Variants in KANK1 observed in about 807,000 individuals in gnomAD.
KANK1 encodes the protein KN motif and ankyrin repeat domains 1.
A neutral mutation model predicts 106.2 loss-of-function variants in KANK1; 109 were observed. The ratio of observed to expected loss-of-function variants is 1.03; its 90% CI spans 0.88 to 1.20. The LOEUF is 1.20. KANK1 is among the 50% of genes most tolerant of loss of function. The pLI, the probability that KANK1 is intolerant of heterozygous loss-of-function variation, is 0.00. For missense variants in KANK1, 2,399 were observed against 1,710.7 expected, an observed-to-expected ratio of 1.40 and a Z score of -7.10; for synonymous variants, 873 against 652.2, an observed-to-expected ratio of 1.34 and a Z score of -5.16.
At chr9:623,462 C>T (rs1189119593) in intron 1 of KANK1, among the ~76,000 whole-genome samples, 2 of 151,840 alleles carry the variant, frequency 1.3e-5, no homozygotes, top group African/African-American at 4.8e-5. Context: ...TGGTGGCATG[C>T]ACCTATAGTC....
chr9:638,649 T>A (rs1259626283), intron 1 of KANK1, among the ~76,000 whole-genome samples: 1 of 152,224 alleles, frequency 6.6e-6, no homozygotes, highest in Non-Finnish European at 1.5e-5. Context: ...GGGCAAACTT[T>A]GAGTTTCCAT....
chr9:507,951 T>C (rs987856654), intron 1 of KANK1, among the ~76,000 whole-genome samples: 6 of 151,664 alleles, frequency 4.0e-5, no homozygotes, highest in Admixed American at 3.3e-4. Context: ...CCCAAAGTGC[T>C]GAGGGATTAC....
intron 2 of KANK1, chr9:680,860 T>G (rs1817415136): frequency 6.6e-6 from 1 of 152,314 alleles, no homozygotes; most frequent in African/African-American, 2.4e-5. Context: ...GTGTTACCTC[T>G]TTTTCACCAG....
At chr9:597,952 A>G (rs1329754767) in intron 1 of KANK1, among the ~76,000 whole-genome samples, 1 of 151,770 alleles carries the variant, frequency 6.6e-6, no homozygotes, top group Admixed American at 6.6e-5. Context: ...GGTGTGAGCC[A>G]CCACCCCTGG....
intron 2 of KANK1, among the ~76,000 whole-genome samples, chr9:683,704 T>G (rs913722687): frequency 2.0e-5 from 3 of 152,224 alleles, no homozygotes; most frequent in Admixed American, 6.5e-5. Flanking sequence ...AGGGATTATG[T>G]TGGTAAGTTA....
intron 1 of KANK1, among the ~76,000 whole-genome samples, chr9:554,721 G>T (rs2061478202): frequency 6.6e-6 from 1 of 152,172 alleles, no homozygotes; most frequent in Non-Finnish European, 1.5e-5. Context: ...TCTAGGATTT[G>T]ACATTTTCAG....
At chr9:631,629 G>A (rs1003599233) in intron 1 of KANK1, among the ~76,000 whole-genome samples, 1 of 152,166 alleles carries the variant, frequency 6.6e-6, no homozygotes, top group Non-Finnish European at 1.5e-5. Flanking sequence ...ACCCAATATG[G>A]TGGCTTCTGA....
chr9:721,756 G>A (rs1829402055), intron 3 of KANK1, among the ~76,000 whole-genome samples: 1 of 152,182 alleles, frequency 6.6e-6, no homozygotes, highest in Admixed American at 6.6e-5. Context: ...TTGTGGTAGG[G>A]CTTACTATTA....
chr9:604,265 A>G (rs1588168396), intron 1 of KANK1, among the ~76,000 whole-genome samples: 1 of 151,686 alleles, frequency 6.6e-6, no homozygotes, highest in Admixed American at 6.6e-5. Context: ...TGTGTCAGAC[A>G]TTGTACTGGT....
chr9:472,340 G>C (rs899127380), intron 2 of KANK1, among the ~76,000 whole-genome samples: 1 of 152,194 alleles, frequency 6.6e-6, no homozygotes, highest in African/African-American at 2.4e-5. Flanking sequence ...ATGGGGTTAT[G>C]CCTCATTTCT....
At chr9:632,895 T>C (rs570872771) in intron 1 of KANK1, among the ~76,000 whole-genome samples, 122 of 152,220 alleles carry the variant, frequency 8.0e-4, no homozygotes, top group African/African-American at 2.9e-3. Context: ...GGTTTCGCCA[T>C]GTTTGCCAGG....
intron 2 of KANK1, among the ~76,000 whole-genome samples, chr9:683,778 A>T (rs1452708586): frequency 2.0e-5 from 3 of 152,206 alleles, no homozygotes; most frequent in African/African-American, 7.2e-5. Context: ...TATTTATTGC[A>T]TCATACAGCT....
intron 1 of KANK1, chr9:539,517 G>A (rs1470913942): frequency 6.6e-6 from 1 of 151,876 alleles, no homozygotes; most frequent in Non-Finnish European, 1.5e-5. Flanking sequence ...TTGAGACAGG[G>A]TCTCACTCTG....
intron 1 of KANK1, among the ~76,000 whole-genome samples, chr9:663,093 A>C (rs7870677): frequency 0.84 from 127,561 of 152,140 alleles, 53,621 homozygotes; most frequent in East Asian, 0.97. Context: ...TCAATTTAAG[A>C]GTTGATCAGA....
At chr9:725,161 G>A (rs574579310) in intron 3 of KANK1, among the ~76,000 whole-genome samples, 8 of 152,224 alleles carry the variant, frequency 5.3e-5, no homozygotes, top group South Asian at 2.1e-4. Context: ...ACTGTTCACC[G>A]AATTAGGAAA....
At chr9:574,756 G>C (rs1820105150) in intron 1 of KANK1, among the ~76,000 whole-genome samples, 2 of 151,028 alleles carry the variant, frequency 1.3e-5, no homozygotes, top group African/African-American at 4.9e-5. Context: ...TTGGGAGGTT[G>C]AGGCAGGAGA....
intron 1 of KANK1, among the ~76,000 whole-genome samples, chr9:518,835 T>A (rs367800920): frequency 1.3e-5 from 2 of 151,520 alleles, no homozygotes; most frequent in Admixed American, 6.6e-5. Context: ...CCAAGTCTTG[T>A]AGGAAACCAC....
At chr9:687,680 C>G (rs1182908260) in intron 2 of KANK1, among the ~76,000 whole-genome samples, 6 of 152,104 alleles carry the variant, frequency 3.9e-5, no homozygotes, top group Admixed American at 3.9e-4. Flanking sequence ...ATAAGCCCTT[C>G]TTATCCTTCA....
At position 615,257 on chromosome 9, in the gene KANK1, A is replaced by C. The variant is rs558043803; in HGVS notation, c.-83-61633A>C. 5.9e-5 allele frequency among the ~76,000 whole-genome samples: 9 copies of C among 152,340 alleles called. No individual in the cohort carries two copies. The South Asian group carries it at 1.0e-3, about 18-fold the overall frequency. Reference sequence around the variant, plus strand: ...GGCATAGTATCATCTTTTTGATACCAACATACTATAAATATATTTTATTGC... The same window carrying C: ...GGCATAGTATCATCTTTTTGATACCCACATACTATAAATATATTTTATTGC... On this transcript the variant is annotated intron_variant, in intron 1 of 11. Coordinates refer to ENST00000382297, the MANE Select transcript of KANK1 (RefSeq NM_015158.5).
Sources: allele counts gnomAD v4.1 joint callset (sites outside exome capture counted in the v4.1 genomes callset), GRCh38; gene constraint gnomAD v4.1.1; transcripts MANE v1.5; gene names NCBI Gene and HGNC (gene_info 2026-07-23, HGNC 2026-07-21).